Variants in KAT6B observed in about 807,000 individuals in gnomAD.
KAT6B encodes the protein histone acetyltransferase KAT6B.
In KAT6B, 10 loss-of-function variants were observed where a neutral mutation model predicts 187.5. The ratio of observed to expected loss-of-function variants is 0.05; its 90% CI spans 0.03 to 0.09. The LOEUF (loss-of-function observed/expected upper bound fraction) is 0.09. Ranked by LOEUF, KAT6B falls within the 10% of genes least tolerant of loss-of-function variation. The pLI is 1.00. For missense variants in KAT6B, 1,952 were observed against 2,558.9 expected (o/e 0.76, Z 5.12); for synonymous variants, 861 against 926.8 (o/e 0.93, Z 1.29).
In KAT6B at chr10:75,020,942, T is replaced by C. The variant is rs757663204; in HGVS notation, c.2861+129T>C. 2.3e-4 allele frequency: 229 copies of C among 982,250 alleles called. 1 individual carries two copies. Among genetic ancestry groups the C allele is most frequent in the Non-Finnish European group, 3.1e-4 (198 of 635,290 alleles). The allele number at this position is 982,250 out of a possible 1,614,324, so 60.8% of individuals were successfully genotyped here. On this transcript the variant is annotated intron_variant, in intron 14 of 17. Coordinates refer to ENST00000287239, the MANE Select transcript of KAT6B (RefSeq NM_012330.4). ...AACAGTATTATCAAACCTTTTCTCCTAAAAATAACACATGAAATGACACTT... is the reference window on the plus strand; with the variant it reads ...AACAGTATTATCAAACCTTTTCTCCCAAAAATAACACATGAAATGACACTT...
intron 3 of KAT6B, among the ~76,000 whole-genome samples, chr10:74,883,873 CT>C (rs1401312186): frequency 6.6e-6 from 1 of 152,152 alleles, no homozygotes; most frequent in Non-Finnish European, 1.5e-5. Flanking sequence ...AGGGGAAAAA[CT>C]TTTCTATTGA....
intron 1 of KAT6B, among the ~76,000 whole-genome samples, chr10:74,832,234 G>A (rs1466738695): frequency 6.6e-6 from 1 of 152,260 alleles, no homozygotes; most frequent in East Asian, 1.9e-4. Context: ...ATTTTTCAGG[G>A]TATCTGGATA....
intron 16 of KAT6B, among the ~76,000 whole-genome samples, chr10:75,024,729 C>T (rs113903834): frequency 9.2e-5 from 14 of 152,200 alleles, no homozygotes; most frequent in African/African-American, 3.4e-4. Context: ...TGTTCCCTCT[C>T]AGAGCATCTG....
chr10:75,012,868 T>C (rs917295498), intron 13 of KAT6B, among the ~76,000 whole-genome samples: 2 of 152,024 alleles, frequency 1.3e-5, no homozygotes, highest in African/African-American at 4.8e-5. Flanking sequence ...CATCTTCCAC[T>C]GTGGGAGTTG....
intron 3 of KAT6B, among the ~76,000 whole-genome samples, chr10:74,878,871 C>G (rs1844634085): frequency 6.6e-6 from 1 of 152,136 alleles, no homozygotes; most frequent in East Asian, 1.9e-4. Context: ...AGAAGCCTTC[C>G]TTGTGCTCAC....
intron 1 of KAT6B, among the ~76,000 whole-genome samples, chr10:74,827,593 C>T (rs768657877): frequency 2.0e-5 from 3 of 151,794 alleles, no homozygotes; most frequent in Admixed American, 6.6e-5. Flanking sequence ...GCAGAGCAAA[C>T]TTAAATATGA....
intron 3 of KAT6B, among the ~76,000 whole-genome samples, chr10:74,948,433 C>G (rs1840090545): frequency 6.6e-6 from 1 of 152,206 alleles, no homozygotes; most frequent in Non-Finnish European, 1.5e-5. Context: ...TGACTAGTGT[C>G]TGACTTTTCT....
At chr10:75,018,154 C>A (rs1165906194) in intron 13 of KAT6B, among the ~76,000 whole-genome samples, 1 of 152,208 alleles carries the variant, frequency 6.6e-6, no homozygotes, top group Non-Finnish European at 1.5e-5. Context: ...CTTTACAGCA[C>A]CCAGGGAAGC....
At chr10:74,912,098 A>C (rs1447457498) in intron 3 of KAT6B, among the ~76,000 whole-genome samples, 1 of 152,194 alleles carries the variant, frequency 6.6e-6, no homozygotes. Context: ...GAGTTATCAC[A>C]GCCAGGTGCA....
At position 74,986,127 on chromosome 10, in the gene KAT6B, T is replaced by G. The variant is rs376829979; in HGVS notation, c.2535+886T>G. On this transcript the variant is annotated intron_variant, in intron 12 of 17. Coordinates refer to ENST00000287239, the MANE Select transcript of KAT6B (RefSeq NM_012330.4). ...GTTAGAGTGGGGAAAACAATCGACA[T>G]ATTGAGGGGACGGATATAGCTTGTC... is the stretch of plus-strand genomic sequence containing the variant. Among the ~76,000 whole-genome samples, 3 of 152,254 alleles carry G rather than the reference T, an allele frequency of 2.0e-5. 1 individual carries two copies. Among genetic ancestry groups the G allele is most frequent in the African/African-American group, 7.2e-5 (3 of 41,554 alleles).
chr10:74,827,448 A>G (rs1840354642), intron 1 of KAT6B, among the ~76,000 whole-genome samples: 2 of 151,764 alleles, frequency 1.3e-5, no homozygotes, highest in Admixed American at 1.3e-4. Flanking sequence ...AGTGATGGGA[A>G]AGAGGTATCT....
intron 1 of KAT6B, among the ~76,000 whole-genome samples, chr10:74,831,102 C>T (rs1405359911): frequency 6.6e-6 from 1 of 151,958 alleles, no homozygotes; most frequent in African/African-American, 2.4e-5. Context: ...TCTTCATATA[C>T]TTTTTTAGCC....
At chr10:74,976,624 C>T (rs1842178657) in intron 8 of KAT6B, 1 of 455,596 alleles carries the variant, frequency 2.2e-6, no homozygotes, top group Non-Finnish European at 4.0e-6. Context: ...CTTTGTAGTC[C>T]CGCATGAGTA....
At chr10:74,980,701 T>G (rs895012570) in intron 10 of KAT6B, among the ~76,000 whole-genome samples, 2 of 152,238 alleles carry the variant, frequency 1.3e-5, no homozygotes, top group Admixed American at 6.5e-5. Flanking sequence ...CAAGTGCTTC[T>G]AAACATTTTC....
At chr10:74,981,309 TCC>T (rs1157027040) in intron 10 of KAT6B, among the ~76,000 whole-genome samples, 43 of 144,444 alleles carry the variant, frequency 3.0e-4, no homozygotes, top group Middle Eastern at 3.6e-3. Context: ...CTTTCTTTCT[TCC>T]TTCCTTCCTT....
intron 3 of KAT6B, among the ~76,000 whole-genome samples, chr10:74,880,536 G>A (rs539807199): frequency 1.3e-5 from 2 of 152,262 alleles, no homozygotes; most frequent in South Asian, 4.1e-4. Context: ...GAACATTTGT[G>A]TACATATTTT....
rs202184627 is a variant in KAT6B, at chr10:74,988,993, A to G, written c.2536-26A>G. 4.6e-4 allele frequency: 709 copies of G among 1,525,300 alleles called. 1 individual carries two copies. The highest frequency in any genetic ancestry group is 6.2e-4 in the Non-Finnish European group (676 of 1,099,096). 94.5% of individuals were successfully genotyped at this position (1,525,300 alleles called of 1,614,324 possible). A position where few individuals can be genotyped will look rare whatever the true frequency, so the allele number is the denominator to read the frequency against. Reference sequence around the variant, plus strand: ...GCCCACTTCAGCAGGGCTCTGACATACTTGATCTGTTTCTCCTTCCCTCAG... The same window carrying G: ...GCCCACTTCAGCAGGGCTCTGACATGCTTGATCTGTTTCTCCTTCCCTCAG... On this transcript the variant is annotated intron_variant, in intron 12 of 17. Transcript: ENST00000287239.
intron 3 of KAT6B, among the ~76,000 whole-genome samples, chr10:74,883,529 G>A (rs1460528995): frequency 6.6e-6 from 1 of 152,076 alleles, no homozygotes; most frequent in African/African-American, 2.4e-5. Context: ...CTTTCCTTTA[G>A]TAGGAAGTTG....
upstream of KAT6B, among the ~76,000 whole-genome samples, chr10:74,825,181 G>T (rs992905297): frequency 6.6e-6 from 1 of 152,220 alleles, no homozygotes; most frequent in Admixed American, 6.5e-5. This position sits in a 1 kb window ranked among gnomAD's most constrained non-coding sequence, Gnocchi z 5.0. Flanking sequence ...GGCGAAGGAC[G>T]AAGTTTGGGG....
Sources: gnomAD v4.1 joint callset for allele counts (sites outside exome capture counted in the v4.1 genomes callset) on GRCh38, gnomAD v4.1.1 for gene constraint, Gnocchi (gnomAD v3.1) non-coding constraint, MANE v1.5 for transcripts, NCBI Gene and HGNC (gene_info 2026-07-23, HGNC 2026-07-21) for gene names.